UNKL: variants seen among roughly 807,000 people sequenced by gnomAD.
The protein encoded by UNKL is putative E3 ubiquitin-protein ligase UNKL.
UNKL carries 60 observed loss-of-function variants against 78.0 expected under a neutral mutation model. The observed-to-expected ratio is 0.77, with a 90% CI of 0.63 to 0.95. UNKL has a LOEUF of 0.95. Among genes scored for constraint, UNKL ranks in the 40% least tolerant of loss-of-function variants. The pLI is 0.00. For missense variants in UNKL, 1,159 were observed against 1,045.7 expected (o/e 1.11, Z -1.49); for synonymous variants, 608 against 474.8 (o/e 1.28, Z -3.65).
chr16:1,413,515 C>T (rs1358010187), intron 2 of UNKL, among the ~76,000 whole-genome samples: 2 of 152,010 alleles, frequency 1.3e-5, no homozygotes, highest in Non-Finnish European at 2.9e-5. Flanking sequence ...CTGCAGTGAG[C>T]CGAGATCATG....
At chr16:1,396,177 A>G (rs1191878129) in intron 6 of UNKL, among the ~76,000 whole-genome samples, 2 of 151,814 alleles carry the variant, frequency 1.3e-5, no homozygotes, top group Non-Finnish European at 1.5e-5. Flanking sequence ...CCTGACCTCA[A>G]GTGATGTGCC....
chr16:1,403,429 C>T lies in UNKL; in HGVS notation c.288-85G>A, dbSNP rs564099849. On this transcript the variant is annotated intron_variant, in intron 2 of 14. Transcript: ENST00000389221. The surrounding 1 kb of genome is among the most constrained non-coding windows in gnomAD (Gnocchi z 4.8). ...TCCCTGGGTCCACGCCCTGTCAGCA[C>T]GTGGCAAGCAGTGAATTCCCTTCCC... 3.3e-5 allele frequency: 48 copies of T among 1,470,776 alleles called. No individual in the cohort carries two copies. The Admixed American group carries it at 4.1e-4, about 13-fold the overall frequency. 91.1% of individuals were successfully genotyped at this position (1,470,776 alleles called of 1,614,324 possible).
chr16:1,387,626 G>T lies in UNKL; in HGVS notation c.1087-2241C>A, dbSNP rs925291584. ...CACCAGCAAGGGGTGAGTGACGTGG[G>T]GCGGTCTGCTGAGCTCACCGCATCC... On this transcript the variant is annotated intron_variant, in intron 9 of 14. Transcript: ENST00000389221. The surrounding 1 kb of genome is among the most constrained non-coding windows in gnomAD (Gnocchi z 4.1). 5.9e-5 allele frequency among the ~76,000 whole-genome samples: 9 copies of T among 152,150 alleles called. No individual in the cohort carries two copies.
At chr16:1,375,841 G>A (rs888182308) in intron 10 of UNKL, among the ~76,000 whole-genome samples, 16 of 152,166 alleles carry the variant, frequency 1.1e-4, no homozygotes, top group African/African-American at 2.9e-4. Context: ...GTCCCTGAGC[G>A]GACATCCACC....
chr16:1,379,696 C>T, intron 10 of UNKL: 1 of 984,286 alleles, frequency 1.0e-6, no homozygotes, highest in Non-Finnish European at 1.2e-6. Context: ...CGGCCCGCGC[C>T]CCGCCCCCTC....
chr16:1,391,260 ACAC>A (rs2037042637), intron 8 of UNKL, among the ~76,000 whole-genome samples: 1 of 149,982 alleles, frequency 6.7e-6, no homozygotes. Context: ...ACACACACAC[ACAC>A]ACACACACAC....
At chr16:1,396,414 G>A (rs1236824560) in intron 6 of UNKL, among the ~76,000 whole-genome samples, 1 of 150,520 alleles carries the variant, frequency 6.6e-6, no homozygotes, top group East Asian at 2.0e-4. Flanking sequence ...AGCCTCCCGA[G>A]TAGCTAGGAC....
chr16:1,414,672 G>A lies in UNKL; in HGVS notation c.20C>T (p.Ala7Val), dbSNP rs2038205452. Residue 7 changes from alanine to valine, a missense_variant, in exon 1 of 15, where the codon GCG (alanine) becomes GTG (valine). Physicochemically the swap from Ala to Val is moderately conservative, Grantham distance 64 (BLOSUM62 0). Transcript: ENST00000389221. MPSVSK[A>V]AAAALSGSPP... ...GGACCCGCTCAGCGCCGCTGCCGCC[G>A]CTTTCGAAACCGACGGCATTTTCAG... 3 of 1,152,282 alleles carry A rather than the reference G, an allele frequency of 2.6e-6. No homozygotes were observed. Among genetic ancestry groups the A allele is most frequent in the South Asian group, 2.2e-5 (1 of 44,532 alleles). The allele number at this position is 1,152,282 out of a possible 1,614,324, so 71.4% of individuals were successfully genotyped here.
intron 10 of UNKL, chr16:1,379,179 G>C (rs2036460745): frequency 6.6e-6 from 1 of 152,494 alleles, no homozygotes; most frequent in South Asian, 2.1e-4. Flanking sequence ...CAGACTGCTC[G>C]GAACTCAGGA....
At position 1,392,939 on chromosome 16, in the gene UNKL, G is replaced by A. The variant is rs1337508902; in HGVS notation, c.975C>T (p.Asp325=). The A allele has an allele frequency of 6.4e-6, 10 of 1,550,486 alleles. No homozygotes were observed. The South Asian group carries it at 7.1e-5, about 11-fold the overall frequency. The change falls in exon 8 of 15, where the codon GAC becomes GAT. Residue 325 remains aspartate (D), a synonymous_variant. Transcript: ENST00000389221. ...TGGAGGAAGGACTCGTGAGGTGGAG[G>A]TCGTGACAGCCCCATTCATTCACCA... ...LGMVNEWGCH[D]LHLTSPSSTG... is the part of the protein sequence containing the mutation.
chr16:1,368,608 CAAAAAAAAAA>C lies in UNKL; in HGVS notation c.1586-760_1586-751del, dbSNP rs757374554. On this transcript the variant is annotated intron_variant, in intron 12 of 14. Coordinates refer to ENST00000389221, the MANE Select transcript of UNKL (RefSeq NM_001372107.1). ...TGGGCGACAGAATGAGACTCCGTCT[CAAAAAAAAAA>C]AAAAAAAAAAAAAAAAACAGGCCTG... is the stretch of plus-strand genomic sequence containing the variant. Among the ~76,000 whole-genome samples the C allele has an allele frequency of 2.4e-4, 10 of 42,148 alleles. 1 individual carries two copies. The highest frequency in any genetic ancestry group is 3.2e-3 in the South Asian group (2 of 626). The allele number at this position is 42,148 out of a possible 152,430, so 27.7% of individuals were successfully genotyped here. A position where few individuals can be genotyped will look rare whatever the true frequency, so the allele number is the denominator to read the frequency against.
Position 1,392,938 on chromosome 16 carries a change from G to A in UNKL, c.976C>T (p.Leu326Phe), listed in dbSNP as rs1412674807. ...GTGGAGGAAGGACTCGTGAGGTGGA[G>A]GTCGTGACAGCCCCATTCATTCACC... ...GMVNEWGCHD[L>F]HLTSPSSTGS... Residue 326 changes from leucine (L) to phenylalanine (F), a missense_variant, in exon 8 of 15, where the codon CTC becomes TTC. Leu to Phe is a conservative substitution (Grantham distance 22, BLOSUM62 0). Transcript: ENST00000389221. 5 of 1,550,466 alleles carry A rather than the reference G, an allele frequency of 3.2e-6. No individual in the cohort carries two copies. The African/African-American group carries it at 6.8e-5, about 21-fold the overall frequency.
At chr16:1,369,139 A>G (rs775788064) in intron 12 of UNKL, among the ~76,000 whole-genome samples, 2 of 131,936 alleles carry the variant, frequency 1.5e-5, no homozygotes, top group Non-Finnish European at 3.1e-5. Flanking sequence ...GCACAATCTC[A>G]GCTCACTGCG....
intron 10 of UNKL, chr16:1,383,765 T>A: frequency 2.3e-6 from 1 of 429,226 alleles, no homozygotes; most frequent in Non-Finnish European, 4.8e-6. Flanking sequence ...CGGGTCCTGA[T>A]GGTGCTGGGG....
At chr16:1,391,312 G>A (rs1028064912) in intron 8 of UNKL, among the ~76,000 whole-genome samples, 2 of 151,748 alleles carry the variant, frequency 1.3e-5, no homozygotes, top group Admixed American at 6.6e-5. Flanking sequence ...TTAGACGAAT[G>A]CTATTTTTGG....
In UNKL at chr16:1,399,637, G is replaced by A; in HGVS notation, c.599-128C>T. On this transcript the variant is annotated intron_variant, in intron 4 of 14. Coordinates refer to ENST00000389221, the MANE Select transcript of UNKL (RefSeq NM_001372107.1). The surrounding 1 kb of genome is among the most constrained non-coding windows in gnomAD (Gnocchi z 5.8). ...GCTGCAGGAGGACTTGGGGAGCGCA[G>A]ACACACGCCACGGCACACGCTGATG... The A allele has an allele frequency of 7.2e-7, 1 of 1,382,834 alleles. No homozygotes were observed. Among genetic ancestry groups the A allele is most frequent in the Non-Finnish European group, 9.8e-7 (1 of 1,017,816 alleles). 85.7% of individuals were successfully genotyped at this position (1,382,834 alleles called of 1,614,324 possible).
intron 10 of UNKL, among the ~76,000 whole-genome samples, chr16:1,382,490 G>A (rs8052876): frequency 0.87 from 132,587 of 152,166 alleles, 57,967 homozygotes; most frequent in East Asian, 1. Flanking sequence ...ACCACTGGGC[G>A]CTGGGTCCAT....
Position 1,364,827 on chromosome 16 carries a change from C to T in UNKL, c.*1413G>A, listed in dbSNP as rs536346182. 6.6e-6 allele frequency: 1 copy of T among 152,358 alleles called. No homozygotes were observed. The highest frequency in any genetic ancestry group is 2.4e-5 in the African/African-American group (1 of 41,554). The allele number at this position is 152,358 out of a possible 1,614,324, so 9.4% of individuals were successfully genotyped here. The stretch of plus-strand genomic sequence containing the variant: ...CCGGCACCCCGGACCCTGGCGCACA[C>T]ACGGCCCGAGCATCTCCCACACGAG... On this transcript the variant is annotated 3_prime_UTR_variant, in exon 15 of 15. Coordinates refer to ENST00000389221, the MANE Select transcript of UNKL (RefSeq NM_001372107.1).
chr16:1,394,220 G>C lies in UNKL; in HGVS notation c.853-5C>G, dbSNP rs750908922. ...GCATTTTGTAGATTTGTAGATCTGGGGAAAAAAGTGAAATAAAGAGGTTGG... is the reference window on the plus strand; with the variant it reads ...GCATTTTGTAGATTTGTAGATCTGGCGAAAAAAGTGAAATAAAGAGGTTGG... On this transcript the variant is annotated splice_region_variant and splice_polypyrimidine_tract_variant and intron_variant, in intron 6 of 14. Coordinates refer to ENST00000389221, the MANE Select transcript of UNKL (RefSeq NM_001372107.1). 6.4e-7 allele frequency: 1 copy of C among 1,550,600 alleles called. No individual in the cohort carries two copies. The highest frequency in any genetic ancestry group is 8.7e-7 in the Non-Finnish European group (1 of 1,146,984).
Sources: allele counts gnomAD v4.1 joint callset (sites outside exome capture counted in the v4.1 genomes callset), GRCh38; gene constraint gnomAD v4.1.1; non-coding constraint Gnocchi (gnomAD v3.1); transcripts MANE v1.5; gene names NCBI Gene and HGNC (gene_info 2026-07-23, HGNC 2026-07-21).